The following CPAMD8 variants were observed in gnomAD, a reference collection of about 807,000 sequenced individuals.
CPAMD8 encodes the protein C3 and PZP-like alpha-2-macroglobulin domain-containing protein 8.
A neutral mutation model predicts 224.7 loss-of-function variants in CPAMD8; 146 were observed. The observed-to-expected ratio is 0.65, with a 90% CI of 0.57 to 0.75. The LOEUF (loss-of-function observed/expected upper bound fraction) is 0.75, where lower values mean the gene tolerates loss of function less well. CPAMD8 is among the 30% of genes least tolerant of loss of function. CPAMD8 has a pLI of 0.00. For synonymous variants in CPAMD8, 966 were observed against 1,044.6 expected (o/e 0.92, Z 1.45); for missense variants, 2,301 against 2,537.5 (o/e 0.91, Z 2.00).
Position 16,896,541 on chromosome 19 carries a change from G to T in CPAMD8, c.5190C>A (p.Val1730=), listed in dbSNP as rs2052001392. ...GNPVCGSDGV[V]YASACRLREA... is the part of the protein sequence containing the mutation. ...CCCGCAGGCGGCAGGCGCTGGCGTA[G>T]ACCACCCCGTCGGAGCCGCACACCG... The change falls in exon 40 of 42, where the codon GTC becomes GTA. Residue 1730 remains valine, a synonymous_variant. Coordinates refer to ENST00000443236, the MANE Select transcript of CPAMD8 (RefSeq NM_015692.5). 1 of 1,496,510 alleles carries T rather than the reference G, an allele frequency of 6.7e-7. No homozygotes were observed. The highest frequency in any genetic ancestry group is 8.8e-7 in the Non-Finnish European group (1 of 1,130,064). The allele number at this position is 1,496,510 out of a possible 1,614,324, so 92.7% of individuals were successfully genotyped here.
At chr19:16,915,341 C>T (rs1250345204) in intron 27 of CPAMD8, among the ~76,000 whole-genome samples, 1 of 152,046 alleles carries the variant, frequency 6.6e-6, no homozygotes, top group Non-Finnish European at 1.5e-5. Context: ...CAGCTGCAGC[C>T]ATTTTGCCAC....
chr19:16,985,435 G>A lies in CPAMD8; in HGVS notation c.1395+4208C>T, dbSNP rs540906831. Among the ~76,000 whole-genome samples, 4 of 151,388 alleles carry A rather than the reference G, an allele frequency of 2.6e-5. No individual in the cohort carries two copies. The South Asian group carries it at 8.4e-4, about 32-fold the overall frequency. Reference sequence around the variant, plus strand: ...GGAAAGAAAGAAAGGAGGAAAAGAAGGAGGGAGAGAGGGTAGATGGATGGA... The same window carrying A: ...GGAAAGAAAGAAAGGAGGAAAAGAAAGAGGGAGAGAGGGTAGATGGATGGA... On this transcript the variant is annotated intron_variant, in intron 13 of 41. Coordinates refer to ENST00000443236, the MANE Select transcript of CPAMD8 (RefSeq NM_015692.5).
intron 15 of CPAMD8, among the ~76,000 whole-genome samples, chr19:16,977,145 G>A (rs980788501): frequency 6.6e-6 from 1 of 152,150 alleles, no homozygotes; most frequent in African/African-American, 2.4e-5. Context: ...TTCAACAAAG[G>A]CAGAGAATAA....
intron 21 of CPAMD8, among the ~76,000 whole-genome samples, chr19:16,946,836 T>C (rs963009839): frequency 1.3e-5 from 2 of 152,122 alleles, no homozygotes; most frequent in Non-Finnish European, 2.9e-5. Flanking sequence ...TGTGCTACAC[T>C]GGGTTGGCAC....
At chr19:16,961,385 C>T (rs913398000) in intron 18 of CPAMD8, among the ~76,000 whole-genome samples, 1 of 152,252 alleles carries the variant, frequency 6.6e-6, no homozygotes, top group East Asian at 1.9e-4. Flanking sequence ...CTGGGCGGGT[C>T]CCACGCCCGC....
chr19:16,896,650 T>C lies in CPAMD8; in HGVS notation c.5081A>G (p.Glu1694Gly). 1 of 1,466,654 alleles carries C rather than the reference T, an allele frequency of 6.8e-7. No individual in the cohort carries two copies. Among genetic ancestry groups the C allele is most frequent in the Admixed American group, 2.3e-5 (1 of 42,848 alleles). The allele number at this position is 1,466,654 out of a possible 1,614,324, so 90.9% of individuals were successfully genotyped here. The change falls in exon 40 of 42, where the codon GAG becomes GGG. Residue 1694 changes from glutamate to glycine, a missense_variant. By Grantham distance (98) the Glu-to-Gly change is moderately conservative. Coordinates refer to ENST00000443236, the MANE Select transcript of CPAMD8 (RefSeq NM_015692.5). The stretch of plus-strand genomic sequence containing the variant: ...CTCAGGGGCCACGGCAGGGCCCGAC[T>C]CGCCGGGGAACCAGCCTGGGGGACG... The part of the protein sequence containing the change: ...PARGPGWFPG[E>G]SGPAVAPEEG...
Position 16,921,740 on chromosome 19 carries a change from A to G in CPAMD8, c.3629+165T>C, listed in dbSNP as rs3745331. Among the ~76,000 whole-genome samples the G allele has an allele frequency of 0.53, 80,421 of 151,750 alleles. 22,231 individuals are homozygous for G. Among genetic ancestry groups the G allele is most frequent in the Middle Eastern group, 0.63 (186 of 294 alleles). ...AGCTCTGCACTGGCCCCAAGCCCCA[A>G]CCTCCATCTCTGGAGCTGGGACCAC... is the stretch of plus-strand genomic sequence containing the variant. On this transcript the variant is annotated intron_variant, in intron 27 of 41. Coordinates refer to ENST00000443236, the MANE Select transcript of CPAMD8 (RefSeq NM_015692.5).
At position 16,898,141 on chromosome 19, in the gene CPAMD8, TTTC is replaced by T; in HGVS notation, c.4849-150_4849-148del. ...TCCCATTTTCTTTTTTTCTTTTACT[TTTC>T]TTTTTTTTTTTTTTTCCTGAGACAG... On this transcript the variant is annotated intron_variant, in intron 37 of 41. Coordinates refer to ENST00000443236, the MANE Select transcript of CPAMD8 (RefSeq NM_015692.5). The surrounding 1 kb of genome is among the most constrained non-coding windows in gnomAD (Gnocchi z 4.2). 1.7e-6 allele frequency: 1 copy of T among 593,914 alleles called. No individual in the cohort carries two copies. Among genetic ancestry groups the T allele is most frequent in the Non-Finnish European group, 2.9e-6 (1 of 344,934 alleles). 36.8% of individuals were successfully genotyped at this position (593,914 alleles called of 1,614,324 possible).
At chr19:16,931,337 C>G (rs778744976) in intron 23 of CPAMD8, among the ~76,000 whole-genome samples, 1 of 152,308 alleles carries the variant, frequency 6.6e-6, no homozygotes, top group African/African-American at 2.4e-5. Context: ...GGCACCTGAG[C>G]GCTCCTCCTA....
rs571541110 is a variant in CPAMD8, at chr19:16,957,901, T to G, written c.2228A>C (p.Lys743Thr). Residue 743 changes from lysine (K) to threonine (T), a missense_variant, in exon 19 of 42, where the codon AAA (lysine) becomes ACA (threonine). Coordinates refer to ENST00000443236, the MANE Select transcript of CPAMD8 (RefSeq NM_015692.5). The part of the protein sequence containing the change: ...SRHPPRTEKR[K>T]RTFFPETWIW... ...CCATGTTTCGGGGAAGAAAGTCCTT[T>G]TTCTCTTCTCTGTTCTATGAAAAGA... 6.2e-7 allele frequency: 1 copy of G among 1,614,120 alleles called. No homozygotes were observed. Among genetic ancestry groups the G allele is most frequent in the South Asian group, 1.1e-5 (1 of 91,074 alleles).
At chr19:16,958,265 C>T (rs1434789329) in intron 18 of CPAMD8, among the ~76,000 whole-genome samples, 1 of 152,206 alleles carries the variant, frequency 6.6e-6, no homozygotes, top group Non-Finnish European at 1.5e-5. Flanking sequence ...TTCTGATCCT[C>T]TCTGTCTTCC....
chr19:16,904,116 TA>T, intron 32 of CPAMD8, 109 bp downstream of exon 32: 2 of 1,234,352 alleles, frequency 1.6e-6, no homozygotes, highest in Non-Finnish European at 2.2e-6. Context: ...TGGGGCTCCA[TA>T]AGGTGAGAAG....
At position 16,929,194 on chromosome 19, in the gene CPAMD8, C is replaced by A. The variant is rs1315267306; in HGVS notation, c.2892G>T (p.Val964=). ...AGCGGGTGAGGCGCAGTGGCCGCTG[C>A]ACATACTGGAACTCATACTTGTTGG... The part of the protein sequence containing the change: ...STPNKYEFQY[V]QRPLRLTRFD... Residue 964 remains valine, a synonymous_variant, in exon 24 of 42, where the codon GTG becomes GTT. Transcript: ENST00000443236. The A allele has an allele frequency of 6.2e-7, 1 of 1,613,462 alleles. No individual in the cohort carries two copies. Among genetic ancestry groups the A allele is most frequent in the Non-Finnish European group, 8.5e-7 (1 of 1,179,686 alleles).
At chr19:16,941,642 C>T (rs562625074) in intron 22 of CPAMD8, among the ~76,000 whole-genome samples, 12 of 152,192 alleles carry the variant, frequency 7.9e-5, no homozygotes, top group South Asian at 2.1e-4. Flanking sequence ...TTGCTGTTCT[C>T]GTGATAATGG....
chr19:16,905,055 A>C (rs1319526538), intron 30 of CPAMD8, among the ~76,000 whole-genome samples: 2 of 152,042 alleles, frequency 1.3e-5, no homozygotes, highest in Non-Finnish European at 2.9e-5. Context: ...AGCCTGGCCA[A>C]CATGGTGAAA....
intron 10 of CPAMD8, among the ~76,000 whole-genome samples, chr19:16,999,551 C>T (rs955272230): frequency 1.6e-4 from 24 of 148,702 alleles, no homozygotes; most frequent in African/African-American, 6.0e-4. Flanking sequence ...CGCCATTGCA[C>T]TCCAGCCTGG....
intron 18 of CPAMD8, among the ~76,000 whole-genome samples, chr19:16,970,404 T>C (rs897177244): frequency 4.0e-5 from 6 of 151,628 alleles, no homozygotes; most frequent in African/African-American, 1.2e-4. Context: ...CTGGCCAACA[T>C]GGTGAAACCC....
chr19:16,906,366 CTTTCTTT>C (rs2052491221), intron 30 of CPAMD8, among the ~76,000 whole-genome samples: 4 of 69,034 alleles, frequency 5.8e-5, no homozygotes, highest in African/African-American at 1.2e-4. Flanking sequence ...TTCTTTCTTT[CTTTCTTT>C]CTTTCTTTCT....
At position 16,980,649 on chromosome 19, in the gene CPAMD8, C is replaced by T. The variant is rs755810854; in HGVS notation, c.1433G>A (p.Cys478Tyr). 2.5e-6 allele frequency: 4 copies of T among 1,572,402 alleles called. No homozygotes were observed. Among genetic ancestry groups the T allele is most frequent in the Admixed American group, 1.9e-5 (1 of 52,600 alleles). Residue 478 changes from cysteine to tyrosine, a missense_variant, in exon 14 of 42, where the codon TGT becomes TAT. Cys to Tyr is a radical substitution (Grantham distance 194). Around this residue, in one of 4 missense-constraint regions of CPAMD8, gnomAD observed 301 missense variants for 406.6 expected, o/e 0.74. Transcript: ENST00000443236. ...EEAYFSVKST[C>Y]PCNFTLYYEV... ...GTAGTACAGGGTAAAGTTGCAGGGA[C>T]ATGTGGACTTCACAGAAAAATAGGC... is the stretch of plus-strand genomic sequence containing the variant.
Sources: allele counts gnomAD v4.1 joint callset (sites outside exome capture counted in the v4.1 genomes callset), GRCh38; gene constraint gnomAD v4.1.1; regional missense constraint gnomAD v4.1.1; non-coding constraint Gnocchi (gnomAD v3.1); transcripts MANE v1.5; gene names NCBI Gene and HGNC (gene_info 2026-07-23, HGNC 2026-07-21).